Variants in CSMD1 observed in about 807,000 individuals in gnomAD.
CSMD1 encodes the protein CUB and sushi domain-containing protein 1.
A neutral mutation model predicts 417.5 loss-of-function variants in CSMD1; 213 were observed. The observed-to-expected ratio is 0.51, with a 90% confidence interval of 0.46 to 0.57. The LOEUF is 0.57. Among genes scored for constraint, CSMD1 ranks in the 20% least tolerant of loss-of-function variants. The probability of loss-of-function intolerance (pLI) is 0.00; values close to 1 mark genes in which losing one functional copy is unlikely to be tolerated. For missense variants in CSMD1, 6,923 were observed against 4,529.7 expected, an observed-to-expected ratio of 1.53 and a Z score of -15.17; for synonymous variants, 2,862 against 1,736.8, an observed-to-expected ratio of 1.65 and a Z score of -16.11.
intron 41 of CSMD1, among the ~76,000 whole-genome samples, chr8:3,133,604 T>A (rs1817913135): frequency 6.6e-6 from 1 of 152,098 alleles, no homozygotes. Flanking sequence ...GGCTGGGCTT[T>A]AGGGCTGCAG....
intron 2 of CSMD1, among the ~76,000 whole-genome samples, chr8:4,600,399 G>C (rs573289968): frequency 6.3e-4 from 96 of 152,206 alleles, no homozygotes; most frequent in African/African-American, 2.1e-3. Context: ...CAATATGAAA[G>C]CATAGCTACA....
intron 5 of CSMD1, among the ~76,000 whole-genome samples, chr8:3,961,532 A>G (rs1812321384): frequency 6.6e-6 from 1 of 152,220 alleles, no homozygotes; most frequent in Admixed American, 6.5e-5. Flanking sequence ...TGTGAAGACA[A>G]TAGGAAATCT....
intron 6 of CSMD1, among the ~76,000 whole-genome samples, chr8:3,714,311 A>T (rs1344838413): frequency 6.6e-6 from 1 of 151,070 alleles, no homozygotes; most frequent in Non-Finnish European, 1.5e-5. Context: ...TTTGAGAAGT[A>T]ATCACATTCC....
chr8:3,778,446 C>G (rs1288826392), intron 5 of CSMD1, among the ~76,000 whole-genome samples: 1 of 152,224 alleles, frequency 6.6e-6, no homozygotes, highest in East Asian at 1.9e-4. Flanking sequence ...TTCCAGCCAT[C>G]CCAAGGTGCC....
chr8:4,776,710 C>A (rs1335620405), intron 1 of CSMD1, among the ~76,000 whole-genome samples: 1 of 152,086 alleles, frequency 6.6e-6, no homozygotes, highest in Non-Finnish European at 1.5e-5. Context: ...GGCTTGATTC[C>A]AATTTTAATT....
chr8:3,727,902 C>G (rs1413984406), intron 6 of CSMD1, among the ~76,000 whole-genome samples: 2 of 152,076 alleles, frequency 1.3e-5, no homozygotes, highest in Non-Finnish European at 2.9e-5. Context: ...TAATTAGATA[C>G]TTAGAGTAGT....
At chr8:3,301,434 A>G (rs1804400136) in intron 25 of CSMD1, among the ~76,000 whole-genome samples, 2 of 152,192 alleles carry the variant, frequency 1.3e-5, no homozygotes, top group African/African-American at 4.8e-5. Context: ...ATATTAACAG[A>G]GATTATTAGT....
chr8:4,548,798 T>C (rs1232048956), intron 2 of CSMD1, among the ~76,000 whole-genome samples: 2 of 152,100 alleles, frequency 1.3e-5, no homozygotes, highest in Non-Finnish European at 2.9e-5. Context: ...CGGGAAACCA[T>C]GCAACAACCT....
chr8:3,257,761 G>C (rs978196130), intron 26 of CSMD1, among the ~76,000 whole-genome samples: 5 of 152,142 alleles, frequency 3.3e-5, no homozygotes, highest in African/African-American at 1.2e-4. Flanking sequence ...GAGCTGAGAA[G>C]GGGGTGGATG....
intron 50 of CSMD1, among the ~76,000 whole-genome samples, chr8:3,033,607 G>C (rs1425851353): frequency 6.6e-6 from 1 of 151,258 alleles, no homozygotes; most frequent in Non-Finnish European, 1.5e-5. Flanking sequence ...CGGGAGGTAA[G>C]GGACAAGAGG....
At chr8:4,038,141 G>A (rs532435220) in intron 3 of CSMD1, among the ~76,000 whole-genome samples, 3 of 152,016 alleles carry the variant, frequency 2.0e-5, no homozygotes, top group Non-Finnish European at 2.9e-5. Flanking sequence ...TCACTGATTG[G>A]TGACACAAAG....
At chr8:3,486,353 T>G (rs912666857) in intron 11 of CSMD1, among the ~76,000 whole-genome samples, 17 of 152,230 alleles carry the variant, frequency 1.1e-4, no homozygotes, top group Admixed American at 7.9e-4. Context: ...GATGGTGCAC[T>G]GTAAATGCAT....
intron 68 of CSMD1, among the ~76,000 whole-genome samples, chr8:2,944,484 G>A (rs1802087270): frequency 2.0e-5 from 3 of 152,136 alleles, no homozygotes; most frequent in African/African-American, 7.2e-5. Flanking sequence ...AAAATCATAT[G>A]TTAGTACATC....
intron 3 of CSMD1, among the ~76,000 whole-genome samples, chr8:4,138,197 A>G (rs73176378): frequency 0.087 from 7,171 of 82,230 alleles, 2,195 homozygotes; most frequent in Non-Finnish European, 0.15. Context: ...TTACAGGCGC[A>G]GCCTTACATT....
At chr8:4,617,856 C>G (rs192783914) in intron 2 of CSMD1, among the ~76,000 whole-genome samples, 9 of 152,264 alleles carry the variant, frequency 5.9e-5, no homozygotes, top group Non-Finnish European at 2.9e-5. Context: ...CAAGAACACT[C>G]ACCCTTCTTG....
chr8:4,109,182 G>T (rs1007010859), intron 3 of CSMD1, among the ~76,000 whole-genome samples: 1 of 151,930 alleles, frequency 6.6e-6, no homozygotes, highest in Admixed American at 6.6e-5. Flanking sequence ...ATTATTCATG[G>T]AATAATAGCC....
At chr8:3,723,435 T>C (rs929193579) in intron 6 of CSMD1, among the ~76,000 whole-genome samples, 4 of 152,188 alleles carry the variant, frequency 2.6e-5, no homozygotes, top group African/African-American at 9.6e-5. Context: ...GAGGGTGCAT[T>C]ATCCAAGAGC....
At chr8:3,875,774 C>A (rs1158767635) in intron 5 of CSMD1, among the ~76,000 whole-genome samples, 1 of 152,056 alleles carries the variant, frequency 6.6e-6, no homozygotes, top group Non-Finnish European at 1.5e-5. Context: ...AAGACCTCCT[C>A]AAAGCTTTGT....
intron 1 of CSMD1, among the ~76,000 whole-genome samples, chr8:4,729,297 C>A (rs1015448227): frequency 1.3e-5 from 2 of 152,152 alleles, no homozygotes; most frequent in Non-Finnish European, 2.9e-5. Context: ...GAAATGCAGT[C>A]ATCGATGATC....
Sources: allele counts gnomAD v4.1 joint callset (sites outside exome capture counted in the v4.1 genomes callset), GRCh38; gene constraint gnomAD v4.1.1; transcripts MANE v1.5; gene names NCBI Gene and HGNC (gene_info 2026-07-23, HGNC 2026-07-21).